The following SH2B1 variants were observed in gnomAD, a reference collection of about 807,000 sequenced individuals.
SH2B1 encodes SH2B adaptor protein 1.
SH2B1 carries 15 observed loss-of-function variants against 62.6 expected under a neutral mutation model. That is an observed-to-expected ratio of 0.24 (90% CI 0.16 to 0.37). SH2B1 has a LOEUF of 0.37. Among genes scored for constraint, SH2B1 ranks in the 10% least tolerant of loss-of-function variants. The probability of loss-of-function intolerance (pLI) is 1.00; values close to 1 mark genes in which losing one functional copy is unlikely to be tolerated. For synonymous variants in SH2B1, 443 were observed against 438.0 expected (o/e 1.01, Z -0.14); for missense variants, 925 against 1,015.6 (o/e 0.91, Z 1.21).
At position 28,873,226 on chromosome 16, in the gene SH2B1, G is replaced by A. The variant is rs764563938; in HGVS notation, c.1898-221G>A. The A allele has an allele frequency of 2.7e-5, 43 of 1,605,108 alleles. No homozygotes were observed. Among genetic ancestry groups the A allele is most frequent in the Middle Eastern group, 1.7e-4 (1 of 6,060 alleles). On this transcript the variant is annotated intron_variant, in intron 7 of 7. Coordinates refer to ENST00000684370, the MANE Select transcript of SH2B1 (RefSeq NM_001387430.1). This position sits in a 1 kb window ranked among gnomAD's most constrained non-coding sequence, Gnocchi z 4.2. Reference sequence around the variant, plus strand: ...GTGCGAGGGAGATGGATGCCACCCCGATGCCTCCTGCACCCTCATGCCCTT... The same window carrying A: ...GTGCGAGGGAGATGGATGCCACCCCAATGCCTCCTGCACCCTCATGCCCTT...
chr16:28,863,963 A>AC lies in SH2B1; in HGVS notation c.-2126dup, dbSNP rs1962543925. On this transcript the variant is annotated 5_prime_UTR_variant, in exon 1 of 8. The change creates a premature stop within an existing upstream ORF in the 5' untranslated region. Transcript: ENST00000684370. ...AGATGCAGGTGGGACCGGAACCGGAACCCCCCTCTTCAAGTACCTTTTCCC... is the reference window on the plus strand; with the variant it reads ...AGATGCAGGTGGGACCGGAACCGGAACCCCCCCTCTTCAAGTACCTTTTCCC... 3.9e-6 allele frequency: 5 copies of AC among 1,280,464 alleles called. No individual in the cohort carries two copies. Among genetic ancestry groups the AC allele is most frequent in the Non-Finnish European group, 4.9e-6 (5 of 1,015,952 alleles). 79.3% of individuals were successfully genotyped at this position (1,280,464 alleles called of 1,614,324 possible). A position where few individuals can be genotyped will look rare whatever the true frequency, so the allele number is the denominator to read the frequency against.
rs1204250473 is a variant in SH2B1, at chr16:28,864,033, G to A, written c.-2062G>A. ...GCGCCCGAGAGGATTCCTGGGTGGGGGTGGGCGTGGAGGGCCGGGGGCTGG... is the reference window on the plus strand; with the variant it reads ...GCGCCCGAGAGGATTCCTGGGTGGGAGTGGGCGTGGAGGGCCGGGGGCTGG... On this transcript the variant is annotated 5_prime_UTR_variant, in exon 1 of 8. Coordinates refer to ENST00000684370, the MANE Select transcript of SH2B1 (RefSeq NM_001387430.1). 1 of 1,395,182 alleles carries A rather than the reference G, an allele frequency of 7.2e-7. No homozygotes were observed. Among genetic ancestry groups the A allele is most frequent in the African/African-American group, 1.5e-5 (1 of 68,340 alleles). 86.4% of individuals were successfully genotyped at this position (1,395,182 alleles called of 1,614,324 possible). A position where few individuals can be genotyped will look rare whatever the true frequency, so the allele number is the denominator to read the frequency against.
In SH2B1 at chr16:28,864,276, GA is replaced by G; in HGVS notation, c.-1815del. On this transcript the variant is annotated 5_prime_UTR_variant, in exon 1 of 8. In the 5' UTR this introduces an upstream ATG that the reference lacks. Coordinates refer to ENST00000684370, the MANE Select transcript of SH2B1 (RefSeq NM_001387430.1). ...CTGAGCCAGGAGGCAGGTGCACCGG[GA>G]AAATGTGTCTGAGTCCTGCTTGGCA... is the stretch of plus-strand genomic sequence containing the variant. 1.0e-6 allele frequency: 1 copy of G among 1,003,098 alleles called. No individual in the cohort carries two copies. 62.1% of individuals were successfully genotyped at this position (1,003,098 alleles called of 1,614,324 possible).
rs1303756413 is a variant in SH2B1, at chr16:28,863,911, C to A, written c.-2184C>A. The A allele has an allele frequency of 7.7e-7, 1 of 1,292,336 alleles. No homozygotes were observed. 80.1% of individuals were successfully genotyped at this position (1,292,336 alleles called of 1,614,324 possible). On this transcript the variant is annotated 5_prime_UTR_variant, in exon 1 of 8. Transcript: ENST00000684370. ...GAGCGGGAGCCGCCGCCGCCGCCGCCGCCGCCGGAGCTAACCTCGGGGACC... is the reference window on the plus strand; with the variant it reads ...GAGCGGGAGCCGCCGCCGCCGCCGCAGCCGCCGGAGCTAACCTCGGGGACC...
In SH2B1 at chr16:28,864,106, G is replaced by A. The variant is rs1962552681; in HGVS notation, c.-1989G>A. On this transcript the variant is annotated 5_prime_UTR_variant, in exon 1 of 8. It adds an upstream start codon to the 5' untranslated region. Transcript: ENST00000684370. Reference sequence around the variant, plus strand: ...TGCAGCAGACAGGGCTGGTCCCGAGGTGGATGCGGCCCCGGAAAATGGGCG... The same window carrying A: ...TGCAGCAGACAGGGCTGGTCCCGAGATGGATGCGGCCCCGGAAAATGGGCG... 5 of 1,240,540 alleles carry A rather than the reference G, an allele frequency of 4.0e-6. No homozygotes were observed. The highest frequency in any genetic ancestry group is 4.1e-6 in the Non-Finnish European group (4 of 984,106). The allele number at this position is 1,240,540 out of a possible 1,614,324, so 76.8% of individuals were successfully genotyped here. A position where few individuals can be genotyped will look rare whatever the true frequency, so the allele number is the denominator to read the frequency against.
intron 2 of SH2B1, 92 bp from the exon 3 acceptor site, chr16:28,868,914 T>G: frequency 1.0e-6 from 1 of 981,492 alleles, no homozygotes; most frequent in East Asian, 2.4e-5. Context: ...GCATCTTGTT[T>G]GTAGACAGCC....
chr16:28,866,133 C>T lies in SH2B1; in HGVS notation c.39C>T (p.Pro13=), dbSNP rs1039184899. 6 of 1,572,734 alleles carry T rather than the reference C, an allele frequency of 3.8e-6. No homozygotes were observed. In the African/African-American group the frequency reaches 6.7e-5, roughly 18 times the overall value. Residue 13 remains proline, a synonymous_variant, in exon 1 of 8, where the codon CCC becomes CCT. Coordinates refer to ENST00000684370, the MANE Select transcript of SH2B1 (RefSeq NM_001387430.1). This position sits in a 1 kb window ranked among gnomAD's most constrained non-coding sequence, Gnocchi z 6.3. ...GAPSPEDGAS[P]SSPPLPPPPP... ...CTTCCCCAGAGGACGGGGCCTCCCCCTCGTCTCCCCCGCTGCCCCCACCCC... is the reference window on the plus strand; with the variant it reads ...CTTCCCCAGAGGACGGGGCCTCCCCTTCGTCTCCCCCGCTGCCCCCACCCC...
At chr16:28,854,321 T>C (rs1164049637) in intron 1 of SH2B1, among the ~76,000 whole-genome samples, 22 of 151,806 alleles carry the variant, frequency 1.4e-4, no homozygotes, top group Admixed American at 1.4e-3. Context: ...ATAATATAAA[T>C]AAAATATTGA....
chr16:28,863,841 C>T, upstream of SH2B1: 1 of 1,531,362 alleles, frequency 6.5e-7, no homozygotes, highest in African/African-American at 1.4e-5. Flanking sequence ...GACGCCTGCG[C>T]GGAACCGGGC....
rs747346709 is a variant in SH2B1 at position 28,866,784 on chromosome 16, G to A, written c.690G>A (p.Arg230=). 2.9e-5 allele frequency: 46 copies of A among 1,582,482 alleles called. No individual in the cohort carries two copies. Among genetic ancestry groups the A allele is most frequent in the Non-Finnish European group, 3.7e-5 (43 of 1,165,054 alleles). ...AAAGATGGACTCACCGTTTTGAGAG[G>A]CTGAGACTCAGTCGGGGAGGGGGCG... ...PGERWTHRFE[R]LRLSRGGGAL... The change falls in exon 1 of 8, where the codon AGG becomes AGA. Residue 230 remains arginine (R), a synonymous_variant. Coordinates refer to ENST00000684370, the MANE Select transcript of SH2B1 (RefSeq NM_001387430.1). The surrounding 1 kb of genome is among the most constrained non-coding windows in gnomAD (Gnocchi z 6.3).
At chr16:28,868,883 G>C (rs1252924522) in intron 2 of SH2B1, 123 bp from the exon 3 acceptor site, 18 of 776,858 alleles carry the variant, frequency 2.3e-5, no homozygotes, top group Non-Finnish European at 4.1e-5. Flanking sequence ...TCTGTACCCG[G>C]CCTCCAGAGA....
At position 28,872,143 on chromosome 16, in the gene SH2B1, G is replaced by A. The variant is rs1040103014; in HGVS notation, c.1514-47G>A. On this transcript the variant is annotated intron_variant, in intron 5 of 7. Transcript: ENST00000684370. The surrounding 1 kb of genome is among the most constrained non-coding windows in gnomAD (Gnocchi z 5.3). ...AAGGCTTTTTTCTCCCAGGATGGGG[G>A]AGGCTGCCCTGACACCCCGGTTTCC... 1.2e-5 allele frequency: 19 copies of A among 1,569,426 alleles called. No homozygotes were observed. The highest frequency in any genetic ancestry group is 1.5e-5 in the Non-Finnish European group (17 of 1,145,958).
rs1210161023 is a variant in SH2B1, at chr16:28,852,475, T to C, written c.-301+5648T>C. ...ACATATATATTTATATATATACATA[T>C]ATATTTATATATACATACATATATT... On this transcript the variant is annotated intron_variant, in intron 1 of 10. Coordinates refer to the SH2B1 transcript ENST00000322610. Among the ~76,000 whole-genome samples, 6 of 77,924 alleles carry C rather than the reference T, an allele frequency of 7.7e-5. 1 individual carries two copies. Among genetic ancestry groups the C allele is most frequent in the Non-Finnish European group, 1.3e-4 (6 of 46,562 alleles). 51.1% of individuals were successfully genotyped at this position (77,924 alleles called of 152,430 possible). A position where few individuals can be genotyped will look rare whatever the true frequency, so the allele number is the denominator to read the frequency against.
intron 1 of SH2B1, among the ~76,000 whole-genome samples, chr16:28,852,964 T>C (rs1382105083): frequency 2.1e-5 from 1 of 48,770 alleles, no homozygotes; most frequent in East Asian, 3.7e-4. Flanking sequence ...TATATGTACA[T>C]ATATATGTAC....
intron 4 of SH2B1, among the ~76,000 whole-genome samples, chr16:28,870,762 C>A (rs115111744): frequency 0.012 from 1,902 of 152,170 alleles, 32 homozygotes; most frequent in African/African-American, 0.037. Flanking sequence ...CAGCTTCCTG[C>A]AGCCTTGACC....
chr16:28,871,639 A>C, intron 4 of SH2B1, 141 bp from the exon 5 acceptor site: 2 of 693,006 alleles, frequency 2.9e-6, no homozygotes, highest in Non-Finnish European at 5.2e-6. Context: ...TAAAAGCATC[A>C]GGGGTCACTA....
intron 1 of SH2B1, 67 bp downstream of exon 1, chr16:28,867,100 G>A (rs537894066): frequency 3.8e-6 from 6 of 1,589,322 alleles, no homozygotes; most frequent in East Asian, 2.2e-5. Context: ...TCACAGCCCT[G>A]CAGATAAGCT....
Position 28,865,890 on chromosome 16 carries a change from C to G in SH2B1, c.-205C>G. 1 of 1,359,184 alleles carries G rather than the reference C, an allele frequency of 7.4e-7. No individual in the cohort carries two copies. The highest frequency in any genetic ancestry group is 1.9e-5 in the South Asian group (1 of 52,598). The allele number at this position is 1,359,184 out of a possible 1,614,324, so 84.2% of individuals were successfully genotyped here. The stretch of plus-strand genomic sequence containing the variant: ...AGAGGGAAGGGAGGTGTTGGGCTCC[C>G]TTCCCCATTGCTCTCTGCGGAGTCT... On this transcript the variant is annotated 5_prime_UTR_variant, in exon 1 of 8. Transcript: ENST00000684370.
chr16:28,865,999 CTTCCT>C lies in SH2B1; in HGVS notation c.-92_-88del. 1 of 1,499,112 alleles carries C rather than the reference CTTCCT, an allele frequency of 6.7e-7. No individual in the cohort carries two copies. The highest frequency in any genetic ancestry group is 8.8e-7 in the Non-Finnish European group (1 of 1,133,390). The allele number at this position is 1,499,112 out of a possible 1,614,324, so 92.9% of individuals were successfully genotyped here. A position where few individuals can be genotyped will look rare whatever the true frequency, so the allele number is the denominator to read the frequency against. Reference sequence around the variant, plus strand: ...CAGTGACCCTCGTGTGTGCCTCTCTCTTCCTTTCGCAGCTGCTGCCGCCCACCCCT... The same window carrying C: ...CAGTGACCCTCGTGTGTGCCTCTCTCTTCGCAGCTGCTGCCGCCCACCCCT... On this transcript the variant is annotated 5_prime_UTR_variant, in exon 1 of 8. Coordinates refer to ENST00000684370, the MANE Select transcript of SH2B1 (RefSeq NM_001387430.1).
Sources: gnomAD v4.1 joint callset for allele counts (sites outside exome capture counted in the v4.1 genomes callset) on GRCh38, gnomAD v4.1.1 for gene constraint, Gnocchi (gnomAD v3.1) non-coding constraint, MANE v1.5 for transcripts, NCBI Gene and HGNC (gene_info 2026-07-23, HGNC 2026-07-21) for gene names.